Variants in PIP5K1C observed in about 807,000 individuals in gnomAD.
The protein encoded by PIP5K1C is phosphatidylinositol 4-phosphate 5-kinase type-1 gamma.
Under a neutral mutation model 80.1 loss-of-function variants are expected in PIP5K1C, and 45 were observed. The observed-to-expected ratio is 0.56, with a 90% confidence interval of 0.44 to 0.72. PIP5K1C has a LOEUF of 0.72. PIP5K1C is among the 30% of genes least tolerant of loss of function. PIP5K1C has a pLI of 0.00. For missense variants in PIP5K1C, 753 were observed against 954.6 expected, an observed-to-expected ratio of 0.79 and a Z score of 2.78; for synonymous variants, 498 against 420.1, an observed-to-expected ratio of 1.19 and a Z score of -2.27.
intron 1 of PIP5K1C, 90 bp downstream of exon 1, chr19:3,700,207 G>C: frequency 1.4e-6 from 1 of 739,386 alleles, no homozygotes; most frequent in Non-Finnish European, 1.7e-6. Context: ...CGCAGCGACC[G>C]TGCAGCCCCC....
intron 1 of PIP5K1C, among the ~76,000 whole-genome samples, chr19:3,698,804 G>A (rs1201191142): frequency 3.3e-5 from 5 of 152,200 alleles, no homozygotes; most frequent in African/African-American, 4.8e-5. Context: ...GAGGGATGGC[G>A]TTGGAGGAGT....
intron 1 of PIP5K1C, among the ~76,000 whole-genome samples, chr19:3,681,361 G>A (rs1277000162): frequency 6.6e-6 from 1 of 151,820 alleles, no homozygotes; most frequent in Non-Finnish European, 1.5e-5. Context: ...CTCCCAAGTA[G>A]CTGGGATTAC....
chr19:3,666,020 G>A (rs1329840193), intron 2 of PIP5K1C, among the ~76,000 whole-genome samples: 1 of 152,098 alleles, frequency 6.6e-6, no homozygotes, highest in Admixed American at 6.5e-5. Context: ...TCTCCCAGGT[G>A]GCCGCCAGGG....
At chr19:3,677,224 G>A (rs1403433469) in intron 1 of PIP5K1C, among the ~76,000 whole-genome samples, 1 of 152,230 alleles carries the variant, frequency 6.6e-6, no homozygotes, top group Non-Finnish European at 1.5e-5. Context: ...CACTGCAGCG[G>A]AAGTGCTGGC....
At chr19:3,689,506 G>A (rs756837982) in intron 1 of PIP5K1C, among the ~76,000 whole-genome samples, 32 of 151,952 alleles carry the variant, frequency 2.1e-4, no homozygotes, top group Admixed American at 3.3e-4. Context: ...AAAATTAGCC[G>A]GGTGTGGTGG....
At chr19:3,676,143 A>C (rs1249926229) in intron 1 of PIP5K1C, among the ~76,000 whole-genome samples, 1 of 147,632 alleles carries the variant, frequency 6.8e-6, no homozygotes, top group Non-Finnish European at 1.5e-5. Context: ...CCATGTGGCC[A>C]GGCCTCCCGC....
At chr19:3,639,062 C>A in intron 15 of PIP5K1C, 46 bp from the exon 16 acceptor site, 2 of 1,601,514 alleles carry the variant, frequency 1.2e-6, no homozygotes, top group Non-Finnish European at 1.7e-6. Flanking sequence ...AGGCCCCACA[C>A]GGAGACTCCC....
At chr19:3,681,592 C>A (rs1246704242) in intron 1 of PIP5K1C, among the ~76,000 whole-genome samples, 1 of 152,104 alleles carries the variant, frequency 6.6e-6, no homozygotes, top group Non-Finnish European at 1.5e-5. Flanking sequence ...CACACATCCC[C>A]CCGCGGGCTG....
Position 3,688,103 on chromosome 19 carries a change from C to G in PIP5K1C, c.94+12194G>C, listed in dbSNP as rs1330439514. The stretch of plus-strand genomic sequence containing the variant: ...CTGGGGGAAGCCCGGCCCGTGCGGG[C>G]TGCGGGAGATCCTGATGGGCCCCGA... On this transcript the variant is annotated intron_variant, in intron 1 of 17. Coordinates refer to ENST00000335312, the MANE Select transcript of PIP5K1C (RefSeq NM_012398.3). The surrounding 1 kb of genome is among the most constrained non-coding windows in gnomAD (Gnocchi z 5.3). Among the ~76,000 whole-genome samples, 2 of 152,166 alleles carry G rather than the reference C, an allele frequency of 1.3e-5. No homozygotes were observed. Among genetic ancestry groups the G allele is most frequent in the Non-Finnish European group, 2.9e-5 (2 of 68,008 alleles).
chr19:3,653,993 C>T (rs971570151), intron 6 of PIP5K1C, among the ~76,000 whole-genome samples: 19 of 152,216 alleles, frequency 1.2e-4, no homozygotes, highest in African/African-American at 4.6e-4. Context: ...CACATACACA[C>T]ACACGCACAC....
intron 1 of PIP5K1C, among the ~76,000 whole-genome samples, chr19:3,678,654 A>AGATGGCGAGATGGAGG (rs1279224884): frequency 1.2e-5 from 1 of 83,864 alleles, no homozygotes; most frequent in Non-Finnish European, 2.3e-5. Flanking sequence ...AGAGATGGAG[A>AGATGGCGAGATGGAGG]GATGGCGAGA....
rs146265831 is a variant in PIP5K1C at position 3,658,863 on chromosome 19, G to A, written c.468+2103C>T. On this transcript the variant is annotated intron_variant, in intron 5 of 17. Transcript: ENST00000335312. ...GGGCCTCAGCTGCTACGGGGAAGCA[G>A]GCCCCATGCGTGGATTTCTGAGCCA... Among the ~76,000 whole-genome samples the A allele has an allele frequency of 1.6e-4, 24 of 152,334 alleles. No homozygotes were observed. The East Asian group carries it at 4.6e-3, about 29-fold the overall frequency.
intron 16 of PIP5K1C, chr19:3,636,554 A>G (rs2033694515): frequency 2.0e-6 from 2 of 985,456 alleles, no homozygotes; most frequent in Non-Finnish European, 2.4e-6. Flanking sequence ...GGGTCTCTCC[A>G]GTGCTCCTCC....
intron 8 of PIP5K1C, 134 bp downstream of exon 8, chr19:3,651,692 C>T (rs1202422607): frequency 4.4e-6 from 4 of 914,114 alleles, no homozygotes; most frequent in Admixed American, 3.9e-5. Flanking sequence ...CACAAGGCTC[C>T]CAGACTCTGT....
chr19:3,675,595 C>T (rs1252341976), intron 1 of PIP5K1C, among the ~76,000 whole-genome samples: 3 of 152,126 alleles, frequency 2.0e-5, no homozygotes, highest in South Asian at 2.1e-4. Flanking sequence ...TGGTATGGAC[C>T]GGGATGGACA....
chr19:3,683,716 AGCCAGGCGGGGGAAGGGCAGAGGG>A (rs1397405317), intron 1 of PIP5K1C, among the ~76,000 whole-genome samples: 5 of 152,116 alleles, frequency 3.3e-5, no homozygotes, highest in Non-Finnish European at 7.4e-5. Flanking sequence ...AGTGAGGAGG[AGCCAGGCGGGGGAAGGGCAGAGGG>A]GCCTCCCAGG....
At position 3,667,325 on chromosome 19, in the gene PIP5K1C, T is replaced by C. The variant is rs1409312113; in HGVS notation, c.123A>G (p.Thr41=). 2.5e-6 allele frequency: 4 copies of C among 1,612,898 alleles called. No individual in the cohort carries two copies. The highest frequency in any genetic ancestry group is 1.7e-5 in the Admixed American group (1 of 60,002). ...TTCGTCCGCTCCAGACACTCACCTC[T>C]GTTGGGGCCGCCTTCTTCTGAGCCA... ...AGLAQKKAAP[T]EVLSMTAQPG... The change falls in exon 2 of 18, where the codon ACA becomes ACG. Residue 41 remains threonine (T), a synonymous_variant. Transcript: ENST00000335312.
intron 8 of PIP5K1C, chr19:3,650,080 C>CG (rs561251746): frequency 1.4e-3 from 216 of 159,040 alleles, no homozygotes; most frequent in African/African-American, 4.5e-3. Flanking sequence ...CTCCCGCACC[C>CG]CCCCGCAGCT....
rs534488046 is a variant in PIP5K1C at position 3,659,559 on chromosome 19, G to A, written c.468+1407C>T. The stretch of plus-strand genomic sequence containing the variant: ...ACACGGTAGCGTCCAGGTCACCCGA[G>A]GGCCATTTCTAGGCAAAAACCCCAG... On this transcript the variant is annotated intron_variant, in intron 5 of 17. Transcript: ENST00000335312. 7.2e-5 allele frequency among the ~76,000 whole-genome samples: 11 copies of A among 152,334 alleles called. No homozygotes were observed. In the South Asian group the frequency reaches 2.3e-3, roughly 32 times the overall value.
Sources: gnomAD v4.1 joint callset for allele counts (sites outside exome capture counted in the v4.1 genomes callset) on GRCh38, gnomAD v4.1.1 for gene constraint, Gnocchi (gnomAD v3.1) non-coding constraint, MANE v1.5 for transcripts, NCBI Gene and HGNC (gene_info 2026-07-23, HGNC 2026-07-21) for gene names.